The following PLXNA4 variants were observed in gnomAD, a reference collection of about 807,000 sequenced individuals.
PLXNA4 encodes plexin-A4.
In PLXNA4, 44 loss-of-function variants were observed where a neutral mutation model predicts 191.8. That is an observed-to-expected ratio of 0.23 (90% CI 0.18 to 0.29). PLXNA4 has a LOEUF of 0.29. Ranked by LOEUF, PLXNA4 falls within the 10% of genes least tolerant of loss-of-function variation. The pLI, the probability that PLXNA4 is intolerant of heterozygous loss-of-function variation, is 1.00. For synonymous variants in PLXNA4, 1,082 were observed against 1,009.5 expected (o/e 1.07, Z -1.36); for missense variants, 1,800 against 2,488.8 (o/e 0.72, Z 5.89).
intron 4 of PLXNA4, among the ~76,000 whole-genome samples, chr7:132,264,683 G>A (rs1338983227): frequency 5.2e-5 from 5 of 96,110 alleles, no homozygotes; most frequent in Admixed American, 1.1e-4. Flanking sequence ...GGTCCTCCCC[G>A]CTTTTTTTTT....
chr7:132,607,865 T>C (rs1032467779), intron 2 of PLXNA4, among the ~76,000 whole-genome samples: 1 of 149,032 alleles, frequency 6.7e-6, no homozygotes, highest in Non-Finnish European at 1.5e-5. Flanking sequence ...ACTCCCATCA[T>C]CCTCATCACT....
Position 132,480,407 on chromosome 7 carries a change from C to T in PLXNA4, c.1371+8885G>A, listed in dbSNP as rs1585198186. Among the ~76,000 whole-genome samples, 5 of 152,150 alleles carry T rather than the reference C, an allele frequency of 3.3e-5. No individual in the cohort carries two copies. In the East Asian group the frequency reaches 9.6e-4, roughly 29 times the overall value. On this transcript the variant is annotated intron_variant, in intron 3 of 31. Transcript: ENST00000321063. ...CCTCCATTCCAGAGCACTTGCAAAG[C>T]AATAATGACCCGTGATTAGGAAGAA...
intron 30 of PLXNA4, among the ~76,000 whole-genome samples, chr7:132,135,563 G>GA (rs1267204567): frequency 1.1e-4 from 16 of 152,132 alleles, no homozygotes; most frequent in African/African-American, 3.9e-4. Flanking sequence ...CATCACTAGG[G>GA]AAAAAAACAG....
intron 2 of PLXNA4, among the ~76,000 whole-genome samples, chr7:132,614,857 A>G (rs1803120618): frequency 6.6e-6 from 1 of 152,208 alleles, no homozygotes; most frequent in Non-Finnish European, 1.5e-5. Context: ...AAGAGGAAGC[A>G]GATGTGCAGA....
chr7:132,401,912 A>G (rs1794002302), intron 3 of PLXNA4, among the ~76,000 whole-genome samples: 1 of 152,164 alleles, frequency 6.6e-6, no homozygotes, highest in African/African-American at 2.4e-5. Flanking sequence ...GATAAGCAAA[A>G]GAGGGGGAGG....
At chr7:132,270,843 T>C (rs1015675287) in intron 4 of PLXNA4, among the ~76,000 whole-genome samples, 2 of 152,224 alleles carry the variant, frequency 1.3e-5, no homozygotes, top group African/African-American at 4.8e-5. Context: ...CTATGACCAA[T>C]ATAAAGCTAA....
At chr7:132,263,145 C>T (rs966969915) in intron 4 of PLXNA4, among the ~76,000 whole-genome samples, 4 of 152,182 alleles carry the variant, frequency 2.6e-5, no homozygotes, top group Non-Finnish European at 5.9e-5. Flanking sequence ...AGCTTCTCCC[C>T]TGGGTATCCA....
At chr7:132,445,559 A>G (rs1250326704) in intron 3 of PLXNA4, among the ~76,000 whole-genome samples, 7 of 152,088 alleles carry the variant, frequency 4.6e-5, no homozygotes, top group Admixed American at 1.3e-4. Context: ...TGAGCAAATC[A>G]TGGTCACAGC....
intron 2 of PLXNA4, among the ~76,000 whole-genome samples, chr7:132,623,860 T>C (rs1393971534): frequency 6.6e-6 from 1 of 152,200 alleles, no homozygotes; most frequent in Non-Finnish European, 1.5e-5. Flanking sequence ...CGTTGGACCA[T>C]AAAGCCAAGC....
At chr7:132,217,589 A>C (rs1798003040) in intron 9 of PLXNA4, among the ~76,000 whole-genome samples, 1 of 152,092 alleles carries the variant, frequency 6.6e-6, no homozygotes. Flanking sequence ...GCCAGCCCTA[A>C]CCCCAACCAA....
chr7:132,364,895 AAC>A (rs893337230), intron 3 of PLXNA4, among the ~76,000 whole-genome samples: 3 of 152,220 alleles, frequency 2.0e-5, no homozygotes, highest in Non-Finnish European at 2.9e-5. Context: ...AACTGGAGAA[AAC>A]AGGAATGCAT....
At chr7:132,513,133 T>C (rs754283356) in intron 1 of PLXNA4, among the ~76,000 whole-genome samples, 18 of 152,214 alleles carry the variant, frequency 1.2e-4, no homozygotes, top group Non-Finnish European at 1.9e-4. Flanking sequence ...CTGATCATCA[T>C]TTTGATTAAA....
intron 2 of PLXNA4, among the ~76,000 whole-genome samples, chr7:132,628,230 TC>T (rs1342170841): frequency 6.6e-6 from 1 of 152,250 alleles, no homozygotes; most frequent in African/African-American, 2.4e-5. Flanking sequence ...AAAAGCATTT[TC>T]TGTCAGAATT....
At chr7:132,471,518 C>A (rs1450734177) in intron 3 of PLXNA4, among the ~76,000 whole-genome samples, 1 of 152,136 alleles carries the variant, frequency 6.6e-6, no homozygotes, top group East Asian at 1.9e-4. Context: ...GGCACCTCAC[C>A]TGTTACTCCC....
chr7:132,403,167 A>G (rs1435856454), intron 3 of PLXNA4, among the ~76,000 whole-genome samples: 3 of 152,132 alleles, frequency 2.0e-5, no homozygotes, highest in African/African-American at 7.2e-5. Flanking sequence ...CACTACACAG[A>G]GCCCAGGTCC....
At position 132,508,640 on chromosome 7, in the gene PLXNA4, C is replaced by T. The variant is rs1798584598; in HGVS notation, c.54G>A (p.Val18=). Residue 18 remains valine (V), a synonymous_variant, in exon 2 of 32, where the codon GTG becomes GTA. Transcript: ENST00000321063. The surrounding 1 kb of genome is among the most constrained non-coding windows in gnomAD (Gnocchi z 4.4). The part of the protein sequence containing the change: ...WTCLLSHLLM[V]GMGSSTLLTR... ...TGAGCAAAGTGGAGGAGCCCATGCC[C>T]ACCATGAGGAGGTGGGAGAGAAGGC... is the stretch of plus-strand genomic sequence containing the variant. 1 of 1,596,008 alleles carries T rather than the reference C, an allele frequency of 6.3e-7. No homozygotes were observed. The highest frequency in any genetic ancestry group is 1.7e-5 in the Admixed American group (1 of 57,956).
At chr7:132,230,902 T>A (rs1798502877) in intron 5 of PLXNA4, among the ~76,000 whole-genome samples, 1 of 152,112 alleles carries the variant, frequency 6.6e-6, no homozygotes, top group Non-Finnish European at 1.5e-5. Context: ...CAAATAGAGA[T>A]TCAGATAGAA....
chr7:132,145,497 T>C, intron 28 of PLXNA4: 1 of 657,842 alleles, frequency 1.5e-6, no homozygotes, highest in Middle Eastern at 4.3e-4. Flanking sequence ...GGAAAAGAGA[T>C]ATAACACTGA....
chr7:132,557,939 G>C (rs1450622432), intron 1 of PLXNA4, among the ~76,000 whole-genome samples: 1 of 152,210 alleles, frequency 6.6e-6, no homozygotes. Flanking sequence ...GAGAGAGAGA[G>C]AGAGAGAGAG....
Sources: allele counts gnomAD v4.1 joint callset (sites outside exome capture counted in the v4.1 genomes callset), GRCh38; gene constraint gnomAD v4.1.1; non-coding constraint Gnocchi (gnomAD v3.1); transcripts MANE v1.5; gene names NCBI Gene and HGNC (gene_info 2026-07-23, HGNC 2026-07-21).